The following SLC35F1 variants were observed in gnomAD, a reference collection of about 807,000 sequenced individuals.
The protein encoded by SLC35F1 is chromosome 6 open reading frame 169.
In SLC35F1, 14 loss-of-function variants were observed where a neutral mutation model predicts 48.7. The ratio of observed to expected loss-of-function variants is 0.29; its 90% CI spans 0.19 to 0.45. SLC35F1 has a LOEUF of 0.45. Among genes scored for constraint, SLC35F1 ranks in the 20% least tolerant of loss-of-function variants. The pLI is 1.00. For missense variants in SLC35F1, 404 were observed against 500.0 expected, an observed-to-expected ratio of 0.81 and a Z score of 1.83; for synonymous variants, 190 against 202.2, an observed-to-expected ratio of 0.94 and a Z score of 0.51.
intron 2 of SLC35F1, among the ~76,000 whole-genome samples, chr6:118,173,617 C>T (rs1253294769): frequency 6.6e-6 from 1 of 152,068 alleles, no homozygotes; most frequent in Non-Finnish European, 1.5e-5. Context: ...TGGAGCCTCC[C>T]AGTGCATGGC....
intron 2 of SLC35F1, among the ~76,000 whole-genome samples, chr6:118,217,943 G>T (rs1243499003): frequency 6.6e-6 from 1 of 152,174 alleles, no homozygotes; most frequent in East Asian, 1.9e-4. Context: ...AAGACATCAA[G>T]AGAGAAGCCT....
intron 1 of SLC35F1, among the ~76,000 whole-genome samples, chr6:118,129,931 T>A (rs975866745): frequency 6.6e-6 from 1 of 152,226 alleles, no homozygotes; most frequent in Non-Finnish European, 1.5e-5. Flanking sequence ...GTAAGTGTCA[T>A]TCATTTTTCT....
intron 1 of SLC35F1, among the ~76,000 whole-genome samples, chr6:117,996,780 G>A (rs1266069166): frequency 6.6e-6 from 1 of 152,176 alleles, no homozygotes; most frequent in Non-Finnish European, 1.5e-5. Flanking sequence ...AAACCCATCT[G>A]TACATCACCA....
chr6:117,918,461 C>T (rs748324946), intron 1 of SLC35F1, among the ~76,000 whole-genome samples: 2 of 152,036 alleles, frequency 1.3e-5, no homozygotes, highest in Non-Finnish European at 2.9e-5. Flanking sequence ...TTCATGATTT[C>T]GTGGTGGGAA....
intron 1 of SLC35F1, among the ~76,000 whole-genome samples, chr6:118,051,632 T>C (rs1772393534): frequency 6.6e-6 from 1 of 152,132 alleles, no homozygotes. Flanking sequence ...ATTCACAATA[T>C]TGGTGAGGAA....
chr6:118,116,499 A>G (rs907863905), intron 1 of SLC35F1, among the ~76,000 whole-genome samples: 1 of 152,206 alleles, frequency 6.6e-6, no homozygotes, highest in Admixed American at 6.5e-5. Context: ...TCTTCTGTGG[A>G]CATTAAATGT....
rs1403556952 is a variant in SLC35F1, at chr6:117,911,090, A to G, written c.173+3191A>G. ...GGATTGCTGCATTTTGTACACAACAATTGGGGTATTTCATTGGTTGACTAC... is the reference window on the plus strand; with the variant it reads ...GGATTGCTGCATTTTGTACACAACAGTTGGGGTATTTCATTGGTTGACTAC... On this transcript the variant is annotated intron_variant, in intron 1 of 7. Transcript: ENST00000360388. 2.0e-5 allele frequency among the ~76,000 whole-genome samples: 3 copies of G among 152,174 alleles called. No individual in the cohort carries two copies. In the South Asian group the frequency reaches 6.2e-4, roughly 32 times the overall value.
At chr6:118,272,186 T>TC (rs1309952043) in intron 4 of SLC35F1, among the ~76,000 whole-genome samples, 13 of 152,216 alleles carry the variant, frequency 8.5e-5, no homozygotes, top group Middle Eastern at 3.4e-3. Flanking sequence ...TGAGCCACAG[T>TC]CCCTGCCCTT....
At position 118,316,661 on chromosome 6, in the gene SLC35F1, C is replaced by G. The variant is rs1329026973; in HGVS notation, c.*2409C>G. The G allele has an allele frequency of 6.6e-6, 1 of 152,264 alleles. No individual in the cohort carries two copies. Among genetic ancestry groups the G allele is most frequent in the Non-Finnish European group, 1.5e-5 (1 of 68,002 alleles). The allele number at this position is 152,264 out of a possible 1,614,324, so 9.4% of individuals were successfully genotyped here. ...GGAGTTTTTTAAAAATATAAATTTC[C>G]AAAAAGTTTGCAATCAACAGATGGC... On this transcript the variant is annotated 3_prime_UTR_variant, in exon 8 of 8. Coordinates refer to ENST00000360388, the MANE Select transcript of SLC35F1 (RefSeq NM_001029858.4).
chr6:117,927,978 G>A (rs964775780), intron 1 of SLC35F1, among the ~76,000 whole-genome samples: 1 of 152,170 alleles, frequency 6.6e-6, no homozygotes, highest in African/African-American at 2.4e-5. Context: ...CTTGAACTGT[G>A]TAAGCAGCTA....
At chr6:118,132,880 C>T (rs537137758) in intron 1 of SLC35F1, among the ~76,000 whole-genome samples, 1 of 152,278 alleles carries the variant, frequency 6.6e-6, no homozygotes, top group South Asian at 2.1e-4. Flanking sequence ...TATCTGCTGT[C>T]TCCTTCGTAT....
intron 1 of SLC35F1, among the ~76,000 whole-genome samples, chr6:118,071,572 C>T (rs897979545): frequency 4.6e-5 from 7 of 151,952 alleles, no homozygotes; most frequent in Non-Finnish European, 8.8e-5. Flanking sequence ...TTTCTTTTCC[C>T]CTTGTGTGGT....
In SLC35F1 at chr6:117,907,740, A is replaced by AGCAGCC. The variant is rs1469123146; in HGVS notation, c.20_25dup (p.Pro7_Gln8dup). The AGCAGCC allele has an allele frequency of 2.0e-6, 3 of 1,538,452 alleles. No homozygotes were observed. In the African/African-American group the frequency reaches 4.3e-5, roughly 22 times the overall value. On this transcript the variant is annotated inframe_insertion, in exon 1 of 8. Coordinates refer to ENST00000360388, the MANE Select transcript of SLC35F1 (RefSeq NM_001029858.4). ...GCCTCTGCCGCGATGATCCCCCCTG[A>AGCAGCC]GCAGCCGCAGCAGCAGCTGCAGCCG...
intron 2 of SLC35F1, among the ~76,000 whole-genome samples, chr6:118,157,077 T>C (rs1397114550): frequency 1.3e-5 from 2 of 152,144 alleles, no homozygotes; most frequent in African/African-American, 2.4e-5. Context: ...ATTCCATCAA[T>C]CCAAGGAAAT....
intron 1 of SLC35F1, among the ~76,000 whole-genome samples, chr6:117,976,081 TAAATAA>T (rs1776701840): frequency 6.6e-6 from 1 of 152,226 alleles, no homozygotes; most frequent in Non-Finnish European, 1.5e-5. Flanking sequence ...GTTGAAAATC[TAAATAA>T]TCAGGAATTC....
chr6:117,923,764 CACAT>C (rs1231002286), intron 1 of SLC35F1, among the ~76,000 whole-genome samples: 1 of 2,168 alleles, frequency 4.6e-4, no homozygotes, highest in Non-Finnish European at 8.4e-4. Flanking sequence ...TATACATATG[CACAT>C]ACATATGTAT....
At chr6:117,922,851 G>T (rs2114802209) in intron 1 of SLC35F1, among the ~76,000 whole-genome samples, 1 of 152,236 alleles carries the variant, frequency 6.6e-6, no homozygotes, top group Admixed American at 6.5e-5. Context: ...TGTGTTACCA[G>T]CAGCCACTTT....
intron 1 of SLC35F1, among the ~76,000 whole-genome samples, chr6:117,939,475 G>A (rs951484990): frequency 1.3e-5 from 2 of 152,146 alleles, no homozygotes; most frequent in Non-Finnish European, 2.9e-5. Context: ...GCAAGTTAAG[G>A]TATGCTAAGA....
At chr6:118,255,040 G>T (rs1775625000) in intron 3 of SLC35F1, among the ~76,000 whole-genome samples, 1 of 152,118 alleles carries the variant, frequency 6.6e-6, no homozygotes, top group African/African-American at 2.4e-5. Context: ...TCTCTTGCAT[G>T]GTACTCTCAA....
Sources: allele counts gnomAD v4.1 joint callset (sites outside exome capture counted in the v4.1 genomes callset), GRCh38; gene constraint gnomAD v4.1.1; transcripts MANE v1.5; gene names NCBI Gene and HGNC (gene_info 2026-07-23, HGNC 2026-07-21).